PARD3: variants seen among roughly 807,000 people sequenced by gnomAD.
The protein encoded by PARD3 is par-3 family cell polarity regulator.
Under a neutral mutation model 155.4 loss-of-function variants are expected in PARD3, and 75 were observed. The observed-to-expected ratio is 0.48, with a 90% CI of 0.40 to 0.58. The LOEUF (loss-of-function observed/expected upper bound fraction) is 0.58, where lower values mean the gene tolerates loss of function less well. Ranked by LOEUF, PARD3 falls within the 20% of genes least tolerant of loss-of-function variation. The pLI is 0.00. For synonymous variants in PARD3, 576 were observed against 610.5 expected (o/e 0.94, Z 0.83); for missense variants, 1,642 against 1,721.7 (o/e 0.95, Z 0.82).
chr10:34,729,200 T>A (rs2094772777), intron 1 of PARD3, among the ~76,000 whole-genome samples: 2 of 152,154 alleles, frequency 1.3e-5, no homozygotes. Context: ...TGAATATAAA[T>A]CCTTAAAATG....
intron 1 of PARD3, among the ~76,000 whole-genome samples, chr10:34,788,410 C>T (rs1031234936): frequency 2.6e-5 from 4 of 151,712 alleles, no homozygotes; most frequent in African/African-American, 7.3e-5. Context: ...GCATCTACCA[C>T]GCAGCCACTG....
At chr10:34,773,049 T>A (rs989963589) in intron 1 of PARD3, among the ~76,000 whole-genome samples, 1 of 152,158 alleles carries the variant, frequency 6.6e-6, no homozygotes, top group Non-Finnish European at 1.5e-5. Context: ...CAAAAACAGC[T>A]GACACATCTC....
At chr10:34,766,230 T>C (rs552845663) in intron 1 of PARD3, among the ~76,000 whole-genome samples, 16 of 152,288 alleles carry the variant, frequency 1.1e-4, no homozygotes, top group Admixed American at 4.6e-4. Flanking sequence ...TCAGACTTCT[T>C]AGTAAGGATC....
At chr10:34,241,786 G>A (rs1953614008) in intron 22 of PARD3, among the ~76,000 whole-genome samples, 2 of 152,130 alleles carry the variant, frequency 1.3e-5, no homozygotes, top group African/African-American at 2.4e-5. Context: ...CAGAAGAAAT[G>A]GACCCAGAAG....
intron 23 of PARD3, among the ~76,000 whole-genome samples, chr10:34,122,226 G>A (rs1947044905): frequency 6.6e-6 from 1 of 152,194 alleles, no homozygotes; most frequent in African/African-American, 2.4e-5. Context: ...AGCTCGTGCT[G>A]TTCTGTGACA....
chr10:34,118,157 A>G (rs1444026831), intron 24 of PARD3, among the ~76,000 whole-genome samples: 2 of 152,170 alleles, frequency 1.3e-5, no homozygotes, highest in African/African-American at 4.8e-5. Context: ...TCTTTAAAGG[A>G]AAAAATAATT....
chr10:34,583,789 G>C (rs1324878381), intron 2 of PARD3, among the ~76,000 whole-genome samples: 1 of 152,092 alleles, frequency 6.6e-6, no homozygotes, highest in Non-Finnish European at 1.5e-5. Flanking sequence ...AAAGAAAACA[G>C]ACCATTTTCC....
At chr10:34,548,279 A>C (rs771672496) in intron 2 of PARD3, among the ~76,000 whole-genome samples, 26 of 152,160 alleles carry the variant, frequency 1.7e-4, no homozygotes, top group Non-Finnish European at 2.9e-4. Flanking sequence ...ACTTGAGGCC[A>C]GGAGTTAGAG....
chr10:34,120,197 T>C (rs1946918924), intron 23 of PARD3, among the ~76,000 whole-genome samples: 1 of 147,192 alleles, frequency 6.8e-6, no homozygotes, highest in East Asian at 2.0e-4. Context: ...TTTTTTTTTT[T>C]TTTTTTTTGG....
intron 5 of PARD3, among the ~76,000 whole-genome samples, chr10:34,446,668 G>C (rs2076755584): frequency 6.6e-6 from 1 of 152,138 alleles, no homozygotes; most frequent in African/African-American, 2.4e-5. Flanking sequence ...TTCCTTCATA[G>C]AACTGCCATG....
intron 2 of PARD3, among the ~76,000 whole-genome samples, chr10:34,597,724 G>A (rs958866967): frequency 2.0e-5 from 3 of 149,490 alleles, no homozygotes; most frequent in Non-Finnish European, 4.4e-5. Context: ...TGGGGTACAC[G>A]TGGAGATCGG....
chr10:34,481,715 C>T (rs1477689107), intron 3 of PARD3, among the ~76,000 whole-genome samples: 1 of 152,092 alleles, frequency 6.6e-6, no homozygotes, highest in Non-Finnish European at 1.5e-5. Context: ...TAGCATCTAA[C>T]TAGACATCAT....
chr10:34,667,810 C>T (rs1187267501), intron 2 of PARD3, among the ~76,000 whole-genome samples: 2 of 152,120 alleles, frequency 1.3e-5, no homozygotes, highest in African/African-American at 4.8e-5. Flanking sequence ...CCACAAGAAA[C>T]AAATAATATT....
In PARD3 at chr10:34,375,004, T is replaced by TAAAAC; in HGVS notation, c.1540-7_1540-3dup. The stretch of plus-strand genomic sequence containing the variant: ...GCCCACTAAATCTACTCCATTTACC[T>TAAAAC]AAAACAAAACAAAAGTTTTCAGCTG... On this transcript the variant is annotated splice_polypyrimidine_tract_variant and splice_region_variant and intron_variant, in intron 10 of 24. Transcript: ENST00000374788. The TAAAAC allele has an allele frequency of 6.2e-7, 1 of 1,610,310 alleles. No homozygotes were observed. Among genetic ancestry groups the TAAAAC allele is most frequent in the Non-Finnish European group, 8.5e-7 (1 of 1,178,750 alleles).
intron 1 of PARD3, among the ~76,000 whole-genome samples, chr10:34,779,703 C>T (rs926122145): frequency 1.1e-4 from 16 of 152,350 alleles, no homozygotes; most frequent in African/African-American, 3.1e-4. Context: ...TTCAGTCCTT[C>T]TGTGAAGAAA....
intron 22 of PARD3, among the ~76,000 whole-genome samples, chr10:34,146,671 C>G (rs748823607): frequency 3.3e-5 from 5 of 152,176 alleles, no homozygotes; most frequent in Non-Finnish European, 7.4e-5. Flanking sequence ...AATTTTTAAT[C>G]CTCTGTTTCA....
At chr10:34,773,443 C>T (rs1043130063) in intron 1 of PARD3, among the ~76,000 whole-genome samples, 1 of 152,140 alleles carries the variant, frequency 6.6e-6, no homozygotes, top group Non-Finnish European at 1.5e-5. Context: ...GACTGAATAT[C>T]CTTACCCATA....
At chr10:34,685,423 T>C (rs1297510275) in intron 2 of PARD3, among the ~76,000 whole-genome samples, 1 of 152,156 alleles carries the variant, frequency 6.6e-6, no homozygotes, top group Non-Finnish European at 1.5e-5. Context: ...CTCACCTACC[T>C]GATCAGCAAA....
intron 1 of PARD3, among the ~76,000 whole-genome samples, chr10:34,729,439 G>A (rs998709943): frequency 6.6e-6 from 1 of 150,612 alleles, no homozygotes; most frequent in East Asian, 1.9e-4. Flanking sequence ...GCTAAGGCAA[G>A]AGAACCACTT....
Sources: allele counts gnomAD v4.1 joint callset (sites outside exome capture counted in the v4.1 genomes callset), GRCh38; gene constraint gnomAD v4.1.1; transcripts MANE v1.5; gene names NCBI Gene and HGNC (gene_info 2026-07-23, HGNC 2026-07-21).